Variants in DTX3 observed in about 807,000 individuals in gnomAD.
The protein encoded by DTX3 is deltex E3 ubiquitin ligase 3, also known as E3 ubiquitin-protein ligase DTX3.
In DTX3, 10 loss-of-function variants were observed where a neutral mutation model predicts 27.4. The observed-to-expected ratio is 0.36, with a 90% confidence interval of 0.22 to 0.62. The LOEUF (loss-of-function observed/expected upper bound fraction) is 0.62. Among genes scored for constraint, DTX3 ranks in the 20% least tolerant of loss-of-function variants. The pLI is 0.68. For missense variants in DTX3, 319 were observed against 463.8 expected, an observed-to-expected ratio of 0.69 and a Z score of 2.87; for synonymous variants, 171 against 190.7, an observed-to-expected ratio of 0.90 and a Z score of 0.85.
chr12:57,606,458 A>G lies in DTX3; in HGVS notation c.-60A>G. On this transcript the variant is annotated 5_prime_UTR_variant, in exon 4 of 7. Transcript: ENST00000337737. ...GCCCTACCAGGTCACACGACCTACAAGTAGGGAGCAGGGAAAGAAGAGTGA... is the reference window on the plus strand; with the variant it reads ...GCCCTACCAGGTCACACGACCTACAGGTAGGGAGCAGGGAAAGAAGAGTGA... 1.9e-6 allele frequency: 3 copies of G among 1,612,892 alleles called. No individual in the cohort carries two copies. The highest frequency in any genetic ancestry group is 2.2e-5 in the East Asian group (1 of 44,870).
Sources: allele counts gnomAD v4.1 joint callset, GRCh38; gene constraint gnomAD v4.1.1; transcripts MANE v1.5; gene names NCBI Gene and HGNC (gene_info 2026-07-23, HGNC 2026-07-21).